BTBD7: variants seen among roughly 807,000 people sequenced by gnomAD.
BTBD7 encodes the protein BTB/POZ domain-containing protein 7.
A neutral mutation model predicts 99.9 loss-of-function variants in BTBD7; 38 were observed. The observed-to-expected ratio is 0.38, with a 90% confidence interval of 0.29 to 0.50. The LOEUF is 0.50. BTBD7 is among the 20% of genes least tolerant of loss of function. The probability of loss-of-function intolerance (pLI) is 0.93; values close to 1 mark genes in which losing one functional copy is unlikely to be tolerated. For missense variants in BTBD7, 1,170 were observed against 1,394.6 expected, an observed-to-expected ratio of 0.84 and a Z score of 2.57; for synonymous variants, 520 against 511.4, an observed-to-expected ratio of 1.02 and a Z score of -0.23.
intron 1 of BTBD7, among the ~76,000 whole-genome samples, chr14:93,305,571 T>C (rs974096991): frequency 7.9e-5 from 12 of 152,228 alleles, no homozygotes; most frequent in Admixed American, 5.9e-4. Context: ...CTTAATCCCA[T>C]TGCTTGTTCT....
At chr14:93,300,702 ATTTGTGTGTGTGTGTGTGTGTG>A (rs2052985402) in intron 1 of BTBD7, among the ~76,000 whole-genome samples, 5 of 107,506 alleles carry the variant, frequency 4.7e-5, no homozygotes, top group South Asian at 3.4e-4. Context: ...TGCCCAGCTA[ATTTGTGTGTGTGTGTGTGTGTG>A]TGTGTGTGTG....
chr14:93,238,629 G>T lies in BTBD7; in HGVS notation c.*3644C>A, dbSNP rs1427891334. 6.6e-6 allele frequency: 1 copy of T among 152,192 alleles called. No individual in the cohort carries two copies. The highest frequency in any genetic ancestry group is 2.4e-5 in the African/African-American group (1 of 41,426). The allele number at this position is 152,192 out of a possible 1,614,324, so 9.4% of individuals were successfully genotyped here. A position where few individuals can be genotyped will look rare whatever the true frequency, so the allele number is the denominator to read the frequency against. On this transcript the variant is annotated 3_prime_UTR_variant, in exon 11 of 11. Coordinates refer to ENST00000334746, the MANE Select transcript of BTBD7 (RefSeq NM_001002860.4). The stretch of plus-strand genomic sequence containing the variant: ...TAATTTCAAAATAAGTATCTTACAA[G>T]TGTTTCATGAAACATTGTTTTCCTA...
At chr14:93,305,318 A>G (rs2053057358) in intron 1 of BTBD7, among the ~76,000 whole-genome samples, 1 of 152,156 alleles carries the variant, frequency 6.6e-6, no homozygotes, top group Non-Finnish European at 1.5e-5. Context: ...TAAGTGAAAA[A>G]TGTGTTCCTC....
chr14:93,245,294 C>A (rs184599581), intron 10 of BTBD7, among the ~76,000 whole-genome samples: 2 of 152,328 alleles, frequency 1.3e-5, no homozygotes, highest in East Asian at 3.9e-4. Context: ...AGTGGGGGCT[C>A]TGCTGATGAG....
At chr14:93,323,311 AATG>A (rs1384406299) in intron 1 of BTBD7, among the ~76,000 whole-genome samples, 1 of 152,220 alleles carries the variant, frequency 6.6e-6, no homozygotes, top group Non-Finnish European at 1.5e-5. Context: ...AAAGCCAATA[AATG>A]ATGAAATATA....
chr14:93,301,851 T>A (rs888497359), intron 1 of BTBD7, among the ~76,000 whole-genome samples: 1 of 152,230 alleles, frequency 6.6e-6, no homozygotes, highest in African/African-American at 2.4e-5. Context: ...CAGACAGATT[T>A]CCCAGACAAA....
rs1034824729 is a variant in BTBD7 at position 93,241,909 on chromosome 14, C to A, written c.*364G>T. ...TGCAAAAAAGTATGAAAATACAGTC[C>A]TTTAAATGTGGCAATAAAGTTTAAC... On this transcript the variant is annotated 3_prime_UTR_variant, in exon 11 of 11. Coordinates refer to ENST00000334746, the MANE Select transcript of BTBD7 (RefSeq NM_001002860.4). 7 of 258,208 alleles carry A rather than the reference C, an allele frequency of 2.7e-5. No individual in the cohort carries two copies. Among genetic ancestry groups the A allele is most frequent in the African/African-American group, 1.3e-4 (6 of 44,806 alleles). 16.0% of individuals were successfully genotyped at this position (258,208 alleles called of 1,614,324 possible). A position where few individuals can be genotyped will look rare whatever the true frequency, so the allele number is the denominator to read the frequency against.
rs766575838 is a variant in BTBD7, at chr14:93,242,965, C to G, written c.2707G>C (p.Glu903Gln). The G allele has an allele frequency of 1.9e-5, 31 of 1,613,990 alleles. No homozygotes were observed. In the Admixed American group the frequency reaches 5.2e-4, roughly 27 times the overall value. ...TGCTGGGGAGGCCCTGGTCCTGCTT[C>G]AGAAACTGACTGGCTTAATTCTGTG... ...VDTELSQSVS[E>Q]AGPGPPQHLS... Residue 903 changes from glutamate (E) to glutamine (Q), a missense_variant, in exon 11 of 11, where the codon GAA (glutamate) becomes CAA (glutamine). This residue lies in a region of BTBD7 where 495 missense variants were observed against 525.9 expected (regional missense o/e 0.94). Coordinates refer to ENST00000334746, the MANE Select transcript of BTBD7 (RefSeq NM_001002860.4).
chr14:93,287,228 C>CAAAAA (rs528012658), intron 3 of BTBD7, among the ~76,000 whole-genome samples: 5 of 126,832 alleles, frequency 3.9e-5, no homozygotes, highest in Non-Finnish European at 4.9e-5. Flanking sequence ...GACTCTGTCT[C>CAAAAA]AAAAAAAAAA....
chr14:93,246,720 C>T (rs1005052032), intron 9 of BTBD7, among the ~76,000 whole-genome samples: 2 of 152,230 alleles, frequency 1.3e-5, no homozygotes, highest in Non-Finnish European at 2.9e-5. Flanking sequence ...AAATACTATT[C>T]ATTACCCATT....
At chr14:93,300,634 C>T (rs2052983257) in intron 1 of BTBD7, among the ~76,000 whole-genome samples, 1 of 151,678 alleles carries the variant, frequency 6.6e-6, no homozygotes, top group Non-Finnish European at 1.5e-5. Context: ...CTCCCAGGCT[C>T]AACCAATCCT....
chr14:93,246,048 T>C lies in BTBD7; in HGVS notation c.2360A>G (p.Gln787Arg). ...ATAAGAAAATGAACGTGAAGGGTGC[T>C]GACTGGGAGGTCTTTGCTTCCAGCC... ...KAGWKQRPPSQHPSRSFSYPC... is the reference protein window; with the variant it reads ...KAGWKQRPPSRHPSRSFSYPC... Residue 787 changes from glutamine (Q) to arginine (R), a missense_variant, in exon 10 of 11, where the codon CAG becomes CGG. By Grantham distance (43) the Gln-to-Arg change is conservative. Coordinates refer to ENST00000334746, the MANE Select transcript of BTBD7 (RefSeq NM_001002860.4). 1 of 1,608,778 alleles carries C rather than the reference T, an allele frequency of 6.2e-7. No individual in the cohort carries two copies. Among genetic ancestry groups the C allele is most frequent in the Non-Finnish European group, 8.5e-7 (1 of 1,179,552 alleles).
chr14:93,242,490 T>G lies in BTBD7; in HGVS notation c.3182A>C (p.Glu1061Ala). Reference protein sequence around the residue: ...PAHVRGRTAVETDLTFGLTPN... With the variant: ...PAHVRGRTAVATDLTFGLTPN... ...AGTCAGCCCAAAAGTCAAGTCAGTT[T>G]CTACTGCAGTTCGTCCCCTGACATG... Residue 1061 changes from glutamate (E) to alanine (A), a missense_variant, in exon 11 of 11, where the codon GAA becomes GCA. Transcript: ENST00000334746. 2 of 1,614,240 alleles carry G rather than the reference T, an allele frequency of 1.2e-6. No individual in the cohort carries two copies. Among genetic ancestry groups the G allele is most frequent in the Non-Finnish European group, 1.7e-6 (2 of 1,180,050 alleles).
intron 1 of BTBD7, among the ~76,000 whole-genome samples, chr14:93,312,038 G>A (rs1157517171): frequency 6.6e-6 from 1 of 151,264 alleles, no homozygotes; most frequent in Non-Finnish European, 1.5e-5. Flanking sequence ...TGCCCCATAT[G>A]TAACTTTACT....
At chr14:93,269,186 A>G (rs2052574697) in intron 3 of BTBD7, among the ~76,000 whole-genome samples, 1 of 152,250 alleles carries the variant, frequency 6.6e-6, no homozygotes, top group African/African-American at 2.4e-5. Context: ...AAAGGAAGAC[A>G]GATAAAAAAC....
chr14:93,273,945 C>T (rs2052627325), intron 3 of BTBD7, among the ~76,000 whole-genome samples: 1 of 152,200 alleles, frequency 6.6e-6, no homozygotes, highest in Non-Finnish European at 1.5e-5. Context: ...AGGTCTGTGG[C>T]TATACAACAG....
chr14:93,316,374 C>T (rs2139814139), intron 1 of BTBD7, among the ~76,000 whole-genome samples: 1 of 152,118 alleles, frequency 6.6e-6, no homozygotes, highest in South Asian at 2.1e-4. Context: ...AGTGATCCTC[C>T]CGAATAACTG....
At chr14:93,301,058 TA>T (rs2139783628) in intron 1 of BTBD7, among the ~76,000 whole-genome samples, 1 of 152,120 alleles carries the variant, frequency 6.6e-6, no homozygotes, top group South Asian at 2.1e-4. Flanking sequence ...AAATAACAAT[TA>T]ACGGCCTGGC....
chr14:93,328,003 TAAGAC>T, intron 1 of BTBD7, among the ~76,000 whole-genome samples: 1 of 152,186 alleles, frequency 6.6e-6, no homozygotes, highest in Admixed American at 6.5e-5. Context: ...AAAGAGAAAT[TAAGAC>T]AAGAATCCTA....
Sources: gnomAD v4.1 joint callset for allele counts (sites outside exome capture counted in the v4.1 genomes callset) on GRCh38, gnomAD v4.1.1 for gene constraint, gnomAD v4.1.1 regional missense constraint, MANE v1.5 for transcripts, NCBI Gene and HGNC (gene_info 2026-07-23, HGNC 2026-07-21) for gene names.